The following ZNF101 variants were observed in gnomAD, a reference collection of about 807,000 sequenced individuals.
ZNF101 encodes the protein zinc finger protein 101 (Y2).
In ZNF101, 34 loss-of-function variants were observed where a neutral mutation model predicts 42.6. The ratio of observed to expected loss-of-function variants is 0.80; its 90% CI spans 0.61 to 1.06. ZNF101 has a LOEUF of 1.06. Ranked by LOEUF, ZNF101 falls within the 50% of genes least tolerant of loss-of-function variation. The pLI is 0.00. For synonymous variants in ZNF101, 158 were observed against 183.9 expected (o/e 0.86, Z 1.14); for missense variants, 466 against 530.9 (o/e 0.88, Z 1.20).
intron 1 of ZNF101, among the ~76,000 whole-genome samples, chr19:19,673,877 T>C (rs2062186752): frequency 6.6e-6 from 1 of 151,720 alleles, no homozygotes; most frequent in Non-Finnish European, 1.5e-5. Flanking sequence ...CACTGCAACC[T>C]CTGTCTCCTG....
chr19:19,678,160 G>T (rs1015549747), intron 2 of ZNF101, among the ~76,000 whole-genome samples, 170 bp downstream of exon 2: 2 of 151,668 alleles, frequency 1.3e-5, no homozygotes, highest in Non-Finnish European at 2.9e-5. Flanking sequence ...GGGAAGCCAC[G>T]GTGGGAAGAT....
intron 1 of ZNF101, among the ~76,000 whole-genome samples, chr19:19,671,068 C>T (rs896229153): frequency 1.3e-5 from 2 of 152,164 alleles, no homozygotes; most frequent in Non-Finnish European, 2.9e-5. Flanking sequence ...GATCGCGCCA[C>T]TGCACTCCAG....
At chr19:19,669,951 C>G (rs976465322) in intron 1 of ZNF101, among the ~76,000 whole-genome samples, 4 of 152,186 alleles carry the variant, frequency 2.6e-5, no homozygotes, top group Admixed American at 2.6e-4. Context: ...TTTTTACCTT[C>G]CCTAGGCGCG....
rs981495072 is a variant in ZNF101, at chr19:19,679,836, C to G, written c.847C>G (p.Gln283Glu). The G allele has an allele frequency of 1.9e-6, 3 of 1,613,950 alleles. No homozygotes were observed. Among genetic ancestry groups the G allele is most frequent in the Non-Finnish European group, 2.5e-6 (3 of 1,179,984 alleles). ...ATCTCACGCGCTGGAGAAATCCCAC[C>G]AATGTCAGGAATGTGGGAAAAAACT... The part of the protein sequence containing the change: ...IRSHALEKSH[Q>E]CQECGKKLSC... The change falls in exon 4 of 4, where the codon CAA becomes GAA. Residue 283 changes from glutamine to glutamate, a missense_variant. Gln to Glu is a conservative substitution (Grantham distance 29). Transcript: ENST00000592502.
Position 19,668,890 on chromosome 19 carries a change from G to T in ZNF101, c.-74G>T. 6.6e-7 allele frequency: 1 copy of T among 1,517,108 alleles called. No individual in the cohort carries two copies. The highest frequency in any genetic ancestry group is 8.9e-7 in the Non-Finnish European group (1 of 1,123,676). The allele number at this position is 1,517,108 out of a possible 1,614,324, so 94.0% of individuals were successfully genotyped here. On this transcript the variant is annotated 5_prime_UTR_variant, in exon 1 of 4. Coordinates refer to ENST00000592502, the MANE Select transcript of ZNF101 (RefSeq NM_033204.4). ...GGGAGCCCCTGGTGCCCCGGATACGGCTGATTTTGTCGTGTGGGACCTGTT... is the reference window on the plus strand; with the variant it reads ...GGGAGCCCCTGGTGCCCCGGATACGTCTGATTTTGTCGTGTGGGACCTGTT...
At chr19:19,673,248 C>CTTTTTT (rs34694853) in intron 1 of ZNF101, among the ~76,000 whole-genome samples, 4 of 116,130 alleles carry the variant, frequency 3.4e-5, no homozygotes, top group Non-Finnish European at 1.7e-5. Flanking sequence ...AATGTGCTGG[C>CTTTTTT]TTTTTTTTTT....
rs2062239328 is a variant in ZNF101, at chr19:19,681,351, CG to C, written c.*1052del. Reference sequence around the variant, plus strand: ...TTGCTCTCATCTCCATTCAAAGACACGTGTCAGTGCACACTGGAGATGGATG... The same window carrying C: ...TTGCTCTCATCTCCATTCAAAGACACTGTCAGTGCACACTGGAGATGGATG... On this transcript the variant is annotated 3_prime_UTR_variant, in exon 4 of 4. Coordinates refer to ENST00000592502, the MANE Select transcript of ZNF101 (RefSeq NM_033204.4). 6.6e-6 allele frequency: 1 copy of C among 152,184 alleles called. No homozygotes were observed. The highest frequency in any genetic ancestry group is 1.5e-5 in the Non-Finnish European group (1 of 68,044). The allele number at this position is 152,184 out of a possible 1,614,324, so 9.4% of individuals were successfully genotyped here. A position where few individuals can be genotyped will look rare whatever the true frequency, so the allele number is the denominator to read the frequency against.
chr19:19,671,522 C>CA (rs1808093858), intron 1 of ZNF101, among the ~76,000 whole-genome samples: 1 of 144,360 alleles, frequency 6.9e-6, no homozygotes, highest in Non-Finnish European at 1.5e-5. Flanking sequence ...TTTTTTGAGA[C>CA]AGAGTCTTGC....
At chr19:19,674,456 G>A (rs909910150) in intron 1 of ZNF101, among the ~76,000 whole-genome samples, 6 of 152,050 alleles carry the variant, frequency 3.9e-5, no homozygotes, top group Non-Finnish European at 5.9e-5. Context: ...GATTACAGGC[G>A]TGAGCCACCG....
intron 1 of ZNF101, 39 bp downstream of exon 1, chr19:19,669,005 G>A (rs2062152132): frequency 6.4e-7 from 1 of 1,568,852 alleles, no homozygotes; most frequent in Non-Finnish European, 8.6e-7. Context: ...ACCTGAGGAG[G>A]AGCTGGTCGG....
At chr19:19,678,279 A>G (rs1000819955) in intron 2 of ZNF101, among the ~76,000 whole-genome samples, 1 of 151,438 alleles carries the variant, frequency 6.6e-6, no homozygotes, top group Non-Finnish European at 1.5e-5. Context: ...GCTCATGCCT[A>G]TAATCCCAGC....
chr19:19,673,493 C>T (rs1043038326), intron 1 of ZNF101, among the ~76,000 whole-genome samples: 7 of 151,886 alleles, frequency 4.6e-5, no homozygotes, highest in Admixed American at 4.6e-4. Flanking sequence ...TGTAATCCAC[C>T]CACCTCGGCC....
intron 1 of ZNF101, among the ~76,000 whole-genome samples, chr19:19,673,687 C>CTTTTTTTTTTT (rs573395742): frequency 3.6e-5 from 3 of 82,874 alleles, no homozygotes; most frequent in Non-Finnish European, 6.9e-5. Context: ...GCGTTCAATT[C>CTTTTTTTTTTT]TTTTTTTTTT....
chr19:19,679,117 A>G lies in ZNF101; in HGVS notation c.192-64A>G, dbSNP rs896489346. ...TTGGTAGCAGCATAAGTCTTAAGAC[A>G]TGTCAATTAGTAGAAAAGCATTAAT... On this transcript the variant is annotated intron_variant, in intron 3 of 3. Transcript: ENST00000592502. 39 of 1,563,864 alleles carry G rather than the reference A, an allele frequency of 2.5e-5. No individual in the cohort carries two copies. In the Admixed American group the frequency reaches 6.8e-4, roughly 27 times the overall value.
chr19:19,679,536 T>A lies in ZNF101; in HGVS notation c.547T>A (p.Leu183Ile). 6.2e-7 allele frequency: 1 copy of A among 1,614,142 alleles called. No individual in the cohort carries two copies. The highest frequency in any genetic ancestry group is 8.5e-7 in the Non-Finnish European group (1 of 1,180,040). Residue 183 changes from leucine to isoleucine, a missense_variant, in exon 4 of 4, where the codon TTA (leucine) becomes ATA (isoleucine). Coordinates refer to ENST00000592502, the MANE Select transcript of ZNF101 (RefSeq NM_033204.4). ...VCGKAFNSPN[L>I]FQIHQRTHTG... ...CGGGAAAGCCTTTAATTCTCCCAAT[T>A]TATTTCAAATCCATCAAAGAACTCA...
At chr19:19,669,117 G>T in intron 1 of ZNF101, 151 bp downstream of exon 1, 3 of 1,209,004 alleles carry the variant, frequency 2.5e-6, no homozygotes, top group Non-Finnish European at 1.1e-6. Flanking sequence ...CGGTCGCCGG[G>T]TGGAGCTGGA....
chr19:19,673,870 T>C (rs1197697362), intron 1 of ZNF101, among the ~76,000 whole-genome samples: 1 of 151,760 alleles, frequency 6.6e-6, no homozygotes, highest in Non-Finnish European at 1.5e-5. Flanking sequence ...CTCAGCTCAC[T>C]GCAACCTCTG....
rs746813733 is a variant in ZNF101 at position 19,679,551 on chromosome 19, CAAA to C, written c.563_565del (p.Gln188del). ...TTCTCCCAATTTATTTCAAATCCATCAAAGAACTCACACTGGAAAGAGGTCCTA... is the reference window on the plus strand; with the variant it reads ...TTCTCCCAATTTATTTCAAATCCATCGAACTCACACTGGAAAGAGGTCCTA... On this transcript the variant is annotated inframe_deletion, in exon 4 of 4. Coordinates refer to ENST00000592502, the MANE Select transcript of ZNF101 (RefSeq NM_033204.4). 10 of 1,614,186 alleles carry C rather than the reference CAAA, an allele frequency of 6.2e-6. No individual in the cohort carries two copies.
rs560146577 is a variant in ZNF101, at chr19:19,679,590, G to A, written c.601G>A (p.Glu201Lys). Residue 201 changes from glutamate to lysine, a missense_variant, in exon 4 of 4, where the codon GAA (glutamate) becomes AAA (lysine). Coordinates refer to ENST00000592502, the MANE Select transcript of ZNF101 (RefSeq NM_033204.4). ...TGGAAAGAGGTCCTATAAATGTAGGGAAATAGTGAGAGCCTTCACAGTTTC... is the reference window on the plus strand; with the variant it reads ...TGGAAAGAGGTCCTATAAATGTAGGAAAATAGTGAGAGCCTTCACAGTTTC... ...HTGKRSYKCR[E>K]IVRAFTVSSF... is the part of the protein sequence containing the mutation. 463 of 1,613,822 alleles carry A rather than the reference G, an allele frequency of 2.9e-4. 4 individuals carry two copies. The South Asian group carries it at 4.8e-3, about 17-fold the overall frequency.
Sources: allele counts gnomAD v4.1 joint callset (sites outside exome capture counted in the v4.1 genomes callset), GRCh38; gene constraint gnomAD v4.1.1; transcripts MANE v1.5; gene names NCBI Gene and HGNC (gene_info 2026-07-23, HGNC 2026-07-21).